The following QTMAN variants were observed in gnomAD, a reference collection of about 807,000 sequenced individuals.
QTMAN encodes the protein tRNA-queuosine alpha-mannosyltransferase.
At chr2:143,966,059 T>C in the QTMAN span, among the ~76,000 whole-genome samples, 1 of 152,204 alleles carries the variant, frequency 6.6e-6, no homozygotes, top group Non-Finnish European at 1.5e-5. Context: ...TTCCTATTCA[T>C]TTCACATGAG....
chr2:144,292,431 A>G, the QTMAN span, among the ~76,000 whole-genome samples: 4 of 150,226 alleles, frequency 2.7e-5, no homozygotes, highest in Non-Finnish European at 5.9e-5. Context: ...AACTAATACA[A>G]TTTTTTTTTT....
chr2:144,119,388 G>A, the QTMAN span, among the ~76,000 whole-genome samples: 3 of 152,318 alleles, frequency 2.0e-5, no homozygotes, highest in African/African-American at 7.2e-5. Context: ...TCCCTGAGAT[G>A]AAAATACCTT....
At chr2:144,131,223 AC>A in the QTMAN span, among the ~76,000 whole-genome samples, 1 of 151,830 alleles carries the variant, frequency 6.6e-6, no homozygotes, top group South Asian at 2.1e-4. Flanking sequence ...AATATATACA[AC>A]GTTGAATTCA....
At chr2:144,296,843 C>T in the QTMAN span, among the ~76,000 whole-genome samples, 1 of 152,104 alleles carries the variant, frequency 6.6e-6, no homozygotes, top group African/African-American at 2.4e-5. Context: ...GTCTCTCCTG[C>T]ACTTCAGAGA....
chr2:143,978,450 G>A, the QTMAN span, among the ~76,000 whole-genome samples: 1 of 152,210 alleles, frequency 6.6e-6, no homozygotes, highest in South Asian at 2.1e-4. Context: ...GACTCCCCAG[G>A]TTGTTTCTTT....
chr2:144,188,622 A>C, the QTMAN span, among the ~76,000 whole-genome samples: 10 of 152,246 alleles, frequency 6.6e-5, no homozygotes, highest in Middle Eastern at 3.4e-3. Flanking sequence ...ATAGGGATTG[A>C]GAATTATAAA....
the QTMAN span, among the ~76,000 whole-genome samples, chr2:144,038,903 C>T: frequency 7.9e-5 from 12 of 152,050 alleles, no homozygotes; most frequent in African/African-American, 2.9e-4. Context: ...TTTTTTCCTA[C>T]TTTCTGTCAG....
At chr2:144,222,806 A>G in the QTMAN span, among the ~76,000 whole-genome samples, 1 of 152,130 alleles carries the variant, frequency 6.6e-6, no homozygotes, top group Non-Finnish European at 1.5e-5. Context: ...AGACTCTGTC[A>G]CAGAAAAAAG....
chr2:143,984,660 C>G, the QTMAN span, among the ~76,000 whole-genome samples: 1 of 152,194 alleles, frequency 6.6e-6, no homozygotes, highest in Non-Finnish European at 1.5e-5. Context: ...GCTCCCTATC[C>G]TGTGCCCCTA....
the QTMAN span, among the ~76,000 whole-genome samples, chr2:144,196,461 A>C: frequency 6.6e-6 from 1 of 152,168 alleles, no homozygotes; most frequent in African/African-American, 2.4e-5. Context: ...CTATGAGCTA[A>C]AATCCCCCCA....
At chr2:143,951,735 C>G in the QTMAN span, among the ~76,000 whole-genome samples, 5,923 of 151,456 alleles carry the variant, frequency 0.039, 391 homozygotes, top group African/African-American at 0.14. Context: ...ATGTAAAGGA[C>G]AGTCATCTTA....
the QTMAN span, chr2:143,963,684 T>C: frequency 6.6e-6 from 1 of 152,284 alleles, no homozygotes; most frequent in South Asian, 2.1e-4. Context: ...AATTGGAGTC[T>C]TGTTAAATTC....
the QTMAN span, among the ~76,000 whole-genome samples, chr2:144,297,469 T>C: frequency 2.0e-5 from 3 of 152,090 alleles, no homozygotes; most frequent in African/African-American, 4.8e-5. Context: ...GAAAATCATA[T>C]AGTCAATTTA....
chr2:144,260,514 A>G, the QTMAN span, among the ~76,000 whole-genome samples: 1 of 152,122 alleles, frequency 6.6e-6, no homozygotes, highest in South Asian at 2.1e-4. Context: ...TGATAGGGCA[A>G]TATTATTTAA....
chr2:144,166,789 T>A, the QTMAN span, among the ~76,000 whole-genome samples: 1 of 152,190 alleles, frequency 6.6e-6, no homozygotes, highest in African/African-American at 2.4e-5. Flanking sequence ...TCTAACATTC[T>A]TCAGACTCCA....
At chr2:144,304,359 A>C in the QTMAN span, among the ~76,000 whole-genome samples, 2 of 152,214 alleles carry the variant, frequency 1.3e-5, no homozygotes, top group Admixed American at 6.5e-5. Flanking sequence ...AAGAACGTAA[A>C]CTGCCTGCTA....
the QTMAN span, among the ~76,000 whole-genome samples, chr2:144,104,349 C>A: frequency 6.6e-6 from 1 of 152,318 alleles, no homozygotes; most frequent in Non-Finnish European, 1.5e-5. Context: ...AGGGAATTCC[C>A]TTTCCTAGCC....
At chr2:144,162,334 A>C in the QTMAN span, among the ~76,000 whole-genome samples, 5 of 152,176 alleles carry the variant, frequency 3.3e-5, no homozygotes, top group African/African-American at 1.2e-4. Context: ...AACCTAGGTC[A>C]AAAGAGCATA....
At chr2:144,315,169 G>A in the QTMAN span, among the ~76,000 whole-genome samples, 1 of 152,184 alleles carries the variant, frequency 6.6e-6, no homozygotes, top group Non-Finnish European at 1.5e-5. Context: ...ACAGGCATGA[G>A]CCATCGCATC....
Sources: allele counts gnomAD v4.1 joint callset (sites outside exome capture counted in the v4.1 genomes callset), GRCh38; gene constraint gnomAD v4.1.1; transcripts MANE v1.5; gene names NCBI Gene and HGNC (gene_info 2026-07-23, HGNC 2026-07-21).